DCC: variants seen among roughly 807,000 people sequenced by gnomAD.
DCC encodes the protein netrin receptor DCC.
In DCC, 58 loss-of-function variants were observed where a neutral mutation model predicts 172.5. The observed-to-expected ratio is 0.34, with a 90% CI of 0.27 to 0.42. The LOEUF (loss-of-function observed/expected upper bound fraction) is 0.42. Among genes scored for constraint, DCC ranks in the 10% least tolerant of loss-of-function variants. The pLI, the probability that DCC is intolerant of heterozygous loss-of-function variation, is 1.00. For synonymous variants in DCC, 709 were observed against 644.5 expected (o/e 1.10, Z -1.52); for missense variants, 1,740 against 1,791.0 (o/e 0.97, Z 0.51).
intron 2 of DCC, among the ~76,000 whole-genome samples, chr18:52,807,799 G>T (rs895413943): frequency 6.6e-6 from 1 of 152,120 alleles, no homozygotes; most frequent in African/African-American, 2.4e-5. Context: ...TTTAACATAG[G>T]TGCAGATTTA....
intron 1 of DCC, among the ~76,000 whole-genome samples, chr18:52,525,222 C>CTA (rs1189546726): frequency 5.9e-5 from 9 of 152,156 alleles, no homozygotes; most frequent in Non-Finnish European, 1.2e-4. Flanking sequence ...CCCCTATAGC[C>CTA]ACTAGGATGT....
chr18:53,152,735 T>C (rs571450464), intron 7 of DCC, among the ~76,000 whole-genome samples: 1 of 152,336 alleles, frequency 6.6e-6, no homozygotes, highest in East Asian at 1.9e-4. Context: ...AAAGAAGTCC[T>C]GATTGGTTCT....
chr18:53,040,465 C>T (rs985466846), intron 5 of DCC, among the ~76,000 whole-genome samples: 1 of 151,938 alleles, frequency 6.6e-6, no homozygotes, highest in African/African-American at 2.4e-5. Context: ...TCATCTCAAA[C>T]CTGTCACTGA....
intron 3 of DCC, among the ~76,000 whole-genome samples, chr18:52,914,983 G>A (rs1025472821): frequency 2.8e-4 from 42 of 152,114 alleles, no homozygotes; most frequent in Admixed American, 3.9e-4. Flanking sequence ...AGAAAACCGA[G>A]GAGTACACAA....
At chr18:52,662,451 A>G (rs1044260440) in intron 1 of DCC, among the ~76,000 whole-genome samples, 1 of 146,316 alleles carries the variant, frequency 6.8e-6, no homozygotes, top group Non-Finnish European at 1.5e-5. Flanking sequence ...ACATGATGAC[A>G]TTTCAGAACT....
intron 27 of DCC, among the ~76,000 whole-genome samples, chr18:53,512,987 G>T (rs1568179522): frequency 2.0e-5 from 3 of 152,052 alleles, no homozygotes; most frequent in Non-Finnish European, 4.4e-5. Flanking sequence ...CTCGAGAAGA[G>T]CAACTCCAAG....
At chr18:53,145,131 T>TTTC (rs2043888757) in intron 7 of DCC, among the ~76,000 whole-genome samples, 1 of 145,262 alleles carries the variant, frequency 6.9e-6, no homozygotes, top group Non-Finnish European at 1.5e-5. Flanking sequence ...TTTTTTTTTT[T>TTTC]TGAGACCGAC....
intron 13 of DCC, among the ~76,000 whole-genome samples, chr18:53,314,195 C>T (rs905661454): frequency 2.0e-5 from 3 of 152,108 alleles, no homozygotes; most frequent in South Asian, 2.1e-4. Context: ...CCACCTGAAA[C>T]CTGGAATTCT....
chr18:52,729,095 T>C (rs1392327292), intron 1 of DCC, among the ~76,000 whole-genome samples: 1 of 152,194 alleles, frequency 6.6e-6, no homozygotes, highest in Non-Finnish European at 1.5e-5. Flanking sequence ...ATGAAACTGT[T>C]ATAAGAGAGA....
intron 1 of DCC, among the ~76,000 whole-genome samples, chr18:52,737,670 T>A (rs1215405006): frequency 6.6e-6 from 1 of 151,880 alleles, no homozygotes; most frequent in Non-Finnish European, 1.5e-5. Flanking sequence ...GAGGGAGGAA[T>A]GAAATAAAGG....
chr18:52,452,260 G>A (rs1988328831), intron 1 of DCC, among the ~76,000 whole-genome samples: 1 of 152,194 alleles, frequency 6.6e-6, no homozygotes, highest in African/African-American at 2.4e-5. Flanking sequence ...GCTTTAGGTA[G>A]AAATACATTC....
chr18:52,720,449 G>A (rs10515955), intron 1 of DCC, among the ~76,000 whole-genome samples: 17 of 152,016 alleles, frequency 1.1e-4, no homozygotes, highest in Non-Finnish European at 2.1e-4. Flanking sequence ...GTTAAGATCC[G>A]GAAGTGCTAT....
At chr18:52,651,596 A>ACAC in intron 1 of DCC, among the ~76,000 whole-genome samples, 1 of 151,044 alleles carries the variant, frequency 6.6e-6, no homozygotes, top group East Asian at 1.9e-4. Flanking sequence ...TCTATTGTGT[A>ACAC]ATATTGCATC....
At chr18:53,035,247 A>G (rs1286403441) in intron 5 of DCC, among the ~76,000 whole-genome samples, 1 of 151,924 alleles carries the variant, frequency 6.6e-6, no homozygotes, top group East Asian at 1.9e-4. Flanking sequence ...AAAGTAGCCT[A>G]TGGCCATACC....
intron 1 of DCC, among the ~76,000 whole-genome samples, chr18:52,502,603 G>A (rs550611842): frequency 1.3e-5 from 2 of 152,282 alleles, no homozygotes; most frequent in Non-Finnish European, 2.9e-5. Context: ...CAGGAGTAAA[G>A]GATATTGTAT....
In DCC at chr18:52,529,620, A is replaced by C. The variant is rs138730686; in HGVS notation, c.91+188742A>C. Among the ~76,000 whole-genome samples, 492 of 152,250 alleles carry C rather than the reference A, an allele frequency of 3.2e-3. 3 individuals carry two copies. Among genetic ancestry groups the C allele is most frequent in the African/African-American group, 0.011 (474 of 41,560 alleles). On this transcript the variant is annotated intron_variant, in intron 1 of 28. Coordinates refer to ENST00000442544, the MANE Select transcript of DCC (RefSeq NM_005215.4). ...CTGTTTACTGCAGTAACACGCTGTT[A>C]TTTCCTCAAGTTCTTCCAGGTTTCT...
At chr18:52,528,571 G>A (rs536074030) in intron 1 of DCC, among the ~76,000 whole-genome samples, 1 of 152,192 alleles carries the variant, frequency 6.6e-6, no homozygotes, top group African/African-American at 2.4e-5. Context: ...TGGGCAGACA[G>A]CATTTTAAGA....
chr18:53,193,729 T>G (rs781555884), intron 9 of DCC, among the ~76,000 whole-genome samples: 1 of 152,148 alleles, frequency 6.6e-6, no homozygotes, highest in Non-Finnish European at 1.5e-5. Flanking sequence ...GTGCTAAATT[T>G]CTTCTTTAAT....
chr18:53,233,115 G>A (rs1402736314), intron 12 of DCC, among the ~76,000 whole-genome samples: 4 of 151,884 alleles, frequency 2.6e-5, no homozygotes, highest in Non-Finnish European at 4.4e-5. Context: ...CTGTTCTTAA[G>A]GTCAAGCTAA....
Sources: gnomAD v4.1 joint callset for allele counts (sites outside exome capture counted in the v4.1 genomes callset) on GRCh38, gnomAD v4.1.1 for gene constraint, MANE v1.5 for transcripts, NCBI Gene and HGNC (gene_info 2026-07-23, HGNC 2026-07-21) for gene names.